Variants in KCNIP4 observed in about 807,000 individuals in gnomAD.
KCNIP4 encodes the protein Kv channel-interacting protein 4.
A neutral mutation model predicts 34.0 loss-of-function variants in KCNIP4; 12 were observed. That is an observed-to-expected ratio of 0.35 (90% CI 0.23 to 0.57). The LOEUF is 0.57. Among genes scored for constraint, KCNIP4 ranks in the 20% least tolerant of loss-of-function variants. The probability of loss-of-function intolerance (pLI) is 0.83; values close to 1 mark genes in which losing one functional copy is unlikely to be tolerated. For missense variants in KCNIP4, 238 were observed against 311.7 expected (o/e 0.76, Z 1.78); for synonymous variants, 124 against 102.2 (o/e 1.21, Z -1.29).
chr4:21,586,651 A>C lies in KCNIP4; in HGVS notation c.61+361920T>G, dbSNP rs1741641515. Among the ~76,000 whole-genome samples the C allele has an allele frequency of 2.0e-5, 3 of 152,108 alleles. No individual in the cohort carries two copies. In the South Asian group the frequency reaches 6.2e-4, roughly 31 times the overall value. ...GAAGACTCTTGACAAAGAACAAGAG[A>C]AAGAGCAAACAAAACTGATAGGACG... On this transcript the variant is annotated intron_variant, in intron 1 of 8. Transcript: ENST00000382152.
chr4:21,602,057 AT>A (rs1171724577), intron 1 of KCNIP4, among the ~76,000 whole-genome samples: 1 of 152,148 alleles, frequency 6.6e-6, no homozygotes, highest in Non-Finnish European at 1.5e-5. Context: ...TTCAATAAGC[AT>A]TTGTTGAATG....
In KCNIP4 at chr4:20,729,955, CAAAGCTTGTTTGCA is replaced by C; in HGVS notation, c.*113_*126del. The C allele has an allele frequency of 8.8e-7, 1 of 1,130,388 alleles. No individual in the cohort carries two copies. Among genetic ancestry groups the C allele is most frequent in the African/African-American group, 1.6e-5 (1 of 62,828 alleles). The allele number at this position is 1,130,388 out of a possible 1,614,324, so 70.0% of individuals were successfully genotyped here. ...TTTTGGGGATTGCTTTATATTAAAA[CAAAGCTTGTTTGCA>C]TAATATGCTTCAGTGTCAAGCTGAG... On this transcript the variant is annotated 3_prime_UTR_variant, in exon 9 of 9. Transcript: ENST00000382152.
intron 1 of KCNIP4, among the ~76,000 whole-genome samples, chr4:21,559,824 A>C (rs947280015): frequency 6.6e-6 from 1 of 152,172 alleles, no homozygotes; most frequent in Non-Finnish European, 1.5e-5. Flanking sequence ...AGGGCTTATC[A>C]TCTGTATCTC....
At chr4:21,278,729 T>C (rs976955910) in intron 1 of KCNIP4, among the ~76,000 whole-genome samples, 3 of 151,448 alleles carry the variant, frequency 2.0e-5, no homozygotes, top group African/African-American at 7.3e-5. Context: ...GAGGAAAGTG[T>C]TAAGGAGAGA....
intron 4 of KCNIP4, among the ~76,000 whole-genome samples, chr4:20,757,338 G>T (rs540187801): frequency 5.3e-4 from 80 of 152,128 alleles, no homozygotes; most frequent in Non-Finnish European, 9.0e-4. Flanking sequence ...CTCCCTGCCT[G>T]CAGTATTGCT....
chr4:21,947,754 C>A (rs191480260), intron 1 of KCNIP4, among the ~76,000 whole-genome samples: 1 of 152,248 alleles, frequency 6.6e-6, no homozygotes, highest in East Asian at 1.9e-4. Flanking sequence ...CTCATGTGCC[C>A]CAAAATCACT....
At chr4:21,111,002 T>C (rs1056772203) in intron 1 of KCNIP4, among the ~76,000 whole-genome samples, 12 of 152,256 alleles carry the variant, frequency 7.9e-5, no homozygotes, top group African/African-American at 2.7e-4. Context: ...TAGAGTGTTT[T>C]ATGTTTTCTC....
intron 5 of KCNIP4, among the ~76,000 whole-genome samples, chr4:20,749,326 A>G (rs1385243190): frequency 2.0e-5 from 3 of 152,064 alleles, no homozygotes; most frequent in Non-Finnish European, 4.4e-5. Context: ...TGACTTTATC[A>G]TCTTTGTATT....
At chr4:21,195,857 C>A (rs903001355) in intron 1 of KCNIP4, among the ~76,000 whole-genome samples, 1 of 152,130 alleles carries the variant, frequency 6.6e-6, no homozygotes, top group Non-Finnish European at 1.5e-5. Context: ...AACCCTGAGG[C>A]TACTCATGAG....
At chr4:20,896,457 C>T (rs1726541014) in intron 1 of KCNIP4, among the ~76,000 whole-genome samples, 1 of 152,048 alleles carries the variant, frequency 6.6e-6, no homozygotes. Flanking sequence ...TTAGGGTGGG[C>T]CCTATAGCCA....
chr4:21,033,125 A>G (rs777682447), intron 1 of KCNIP4, among the ~76,000 whole-genome samples: 13 of 152,212 alleles, frequency 8.5e-5, no homozygotes, highest in Non-Finnish European at 1.3e-4. Context: ...TAAAATTTAA[A>G]CCACTGGACA....
At chr4:21,259,865 G>A (rs930703896) in intron 1 of KCNIP4, among the ~76,000 whole-genome samples, 1 of 148,034 alleles carries the variant, frequency 6.8e-6, no homozygotes, top group African/African-American at 2.5e-5. Context: ...CTGATTGAAA[G>A]TTTGGCAAAG....
intron 1 of KCNIP4, among the ~76,000 whole-genome samples, chr4:20,954,261 C>G (rs551840591): frequency 6.6e-6 from 1 of 151,948 alleles, no homozygotes; most frequent in Non-Finnish European, 1.5e-5. Flanking sequence ...GTATTCTGTA[C>G]GAAAGAAACA....
At chr4:21,370,255 G>T (rs1463249358) in intron 1 of KCNIP4, among the ~76,000 whole-genome samples, 1 of 147,416 alleles carries the variant, frequency 6.8e-6, no homozygotes, top group East Asian at 2.0e-4. Context: ...AGTAAGGAAA[G>T]TGACAAAAAT....
At chr4:21,084,271 T>C (rs1746235118) in intron 1 of KCNIP4, among the ~76,000 whole-genome samples, 1 of 149,964 alleles carries the variant, frequency 6.7e-6, no homozygotes, top group African/African-American at 2.5e-5. Context: ...AGCCATGCAA[T>C]GATGGACGTG....
intron 1 of KCNIP4, among the ~76,000 whole-genome samples, chr4:21,483,703 T>A (rs1388413812): frequency 3.3e-5 from 5 of 151,734 alleles, no homozygotes; most frequent in African/African-American, 1.2e-4. Context: ...GGCAGGAGAA[T>A]CCCTTGAACC....
At chr4:20,754,623 CAT>C (rs1308963222) in intron 4 of KCNIP4, among the ~76,000 whole-genome samples, 19 of 152,276 alleles carry the variant, frequency 1.2e-4, no homozygotes, top group African/African-American at 4.1e-4. Context: ...AGCGATGCCT[CAT>C]GTGGTCAGAT....
At chr4:21,179,276 C>A (rs1754668579) in intron 1 of KCNIP4, among the ~76,000 whole-genome samples, 1 of 152,166 alleles carries the variant, frequency 6.6e-6, no homozygotes, top group Non-Finnish European at 1.5e-5. Context: ...TTTAGTGAAA[C>A]CTTGCACTTT....
chr4:21,465,807 C>G (rs968227909), intron 1 of KCNIP4, among the ~76,000 whole-genome samples: 1 of 152,176 alleles, frequency 6.6e-6, no homozygotes, highest in Admixed American at 6.5e-5. Flanking sequence ...CAATTCTTGG[C>G]TCCTTATTCT....
Sources: allele counts gnomAD v4.1 joint callset (sites outside exome capture counted in the v4.1 genomes callset), GRCh38; gene constraint gnomAD v4.1.1; transcripts MANE v1.5; gene names NCBI Gene and HGNC (gene_info 2026-07-23, HGNC 2026-07-21).